Variants in EDNRB observed in about 807,000 individuals in gnomAD.
EDNRB encodes the protein endothelin receptor type B.
A neutral mutation model predicts 46.4 loss-of-function variants in EDNRB; 18 were observed. The observed-to-expected ratio is 0.39, with a 90% CI of 0.27 to 0.57. The LOEUF (loss-of-function observed/expected upper bound fraction) is 0.57, where lower values mean the gene tolerates loss of function less well. Among genes scored for constraint, EDNRB ranks in the 20% least tolerant of loss-of-function variants. The probability of loss-of-function intolerance (pLI) is 0.61; values close to 1 mark genes in which losing one functional copy is unlikely to be tolerated. For missense variants in EDNRB, 434 were observed against 537.5 expected (o/e 0.81, Z 1.90); for synonymous variants, 213 against 204.9 (o/e 1.04, Z -0.34).
chr13:77,974,984 C>T (rs1351098977), intron 1 of EDNRB, among the ~76,000 whole-genome samples: 1 of 152,062 alleles, frequency 6.6e-6, no homozygotes, highest in African/African-American at 2.4e-5. Context: ...CACATGCACA[C>T]CACAAAACAA....
chr13:77,957,802 C>T (rs1039406753), intron 1 of EDNRB, among the ~76,000 whole-genome samples: 16 of 152,114 alleles, frequency 1.1e-4, no homozygotes, highest in South Asian at 2.1e-4. Flanking sequence ...ACAGCATTCA[C>T]GACTTTGGGT....
intron 6 of EDNRB, among the ~76,000 whole-genome samples, chr13:77,899,169 A>G (rs929529688): frequency 6.6e-6 from 1 of 151,910 alleles, no homozygotes; most frequent in African/African-American, 2.4e-5. Context: ...TGGGCGAAGA[A>G]TGTTATAGGC....
chr13:77,929,700 C>T (rs777992545), intron 1 of EDNRB, among the ~76,000 whole-genome samples: 6 of 152,180 alleles, frequency 3.9e-5, no homozygotes, highest in Non-Finnish European at 8.8e-5. Flanking sequence ...GAATCATGCC[C>T]TTTTGCAAGG....
At chr13:77,921,773 T>A (rs1880092938), upstream of EDNRB, among the ~76,000 whole-genome samples, 1 of 152,244 alleles carries the variant, frequency 6.6e-6, no homozygotes, top group African/African-American at 2.4e-5. Context: ...GTTTCCCCTT[T>A]TGTAAAATGG....
Position 77,897,188 on chromosome 13 carries a change from C to G in EDNRB, c.*1012G>C, listed in dbSNP as rs1412468306. The stretch of plus-strand genomic sequence containing the variant: ...GTCTTTATTATGAGGTCACTGGCAT[C>G]TCTCCATCGTAAAGCTATGAGCACA... On this transcript the variant is annotated 3_prime_UTR_variant, in exon 7 of 7. Transcript: ENST00000646607. 2.0e-6 allele frequency: 2 copies of G among 985,290 alleles called. No homozygotes were observed. The highest frequency in any genetic ancestry group is 1.7e-5 in the African/African-American group (1 of 57,224). The allele number at this position is 985,290 out of a possible 1,614,324, so 61.0% of individuals were successfully genotyped here.
In EDNRB at chr13:77,899,086, T is replaced by C. The variant is rs963046473; in HGVS notation, c.1195-752A>G. 3.3e-5 allele frequency among the ~76,000 whole-genome samples: 5 copies of C among 151,882 alleles called. No homozygotes were observed. The East Asian group carries it at 7.8e-4, about 24-fold the overall frequency. The stretch of plus-strand genomic sequence containing the variant: ...GTAAAAGAAAATGAGAAGTCCACTG[T>C]TTTATGTCTTATAAAATGAGGGTGT... On this transcript the variant is annotated intron_variant, in intron 6 of 6. Coordinates refer to ENST00000646607, the MANE Select transcript of EDNRB (RefSeq NM_001122659.3).
chr13:77,937,243 G>A (rs556316501), intron 1 of EDNRB, among the ~76,000 whole-genome samples: 18 of 152,166 alleles, frequency 1.2e-4, no homozygotes, highest in Non-Finnish European at 2.2e-4. Context: ...CCTCAAACTA[G>A]GCAGGAAATC....
At chr13:77,939,994 C>CTAAATAAA (rs60299666) in intron 1 of EDNRB, 35,858 of 144,350 alleles carry the variant, frequency 0.25, 5,735 homozygotes, top group Non-Finnish European at 0.37. Context: ...GACTCTGTCT[C>CTAAATAAA]TAAATAAATA....
intron 1 of EDNRB, among the ~76,000 whole-genome samples, chr13:77,960,719 C>A (rs1176758018): frequency 6.6e-6 from 1 of 152,134 alleles, no homozygotes; most frequent in African/African-American, 2.4e-5. Flanking sequence ...GGGCTAAATT[C>A]TCCAGTTAAA....
chr13:77,927,718 C>T (rs1338397914), intron 1 of EDNRB, among the ~76,000 whole-genome samples: 2 of 152,142 alleles, frequency 1.3e-5, no homozygotes, highest in African/African-American at 4.8e-5. Flanking sequence ...TAGATATTCA[C>T]AAGGAATAAT....
upstream of EDNRB, among the ~76,000 whole-genome samples, chr13:77,923,723 AAAAG>A (rs1308307950): frequency 6.6e-6 from 1 of 152,168 alleles, no homozygotes; most frequent in Non-Finnish European, 1.5e-5. Context: ...TTAGAAAGCA[AAAAG>A]AAAGAGAAAC....
rs1427566575 is a variant in EDNRB at position 77,896,879 on chromosome 13, CA to C, written c.*1320del. ...GATATAAAAATTAGGCAGGAACGCA[CA>C]AAGCTAAGAGGTTCTTACGGTCTCA... On this transcript the variant is annotated 3_prime_UTR_variant, in exon 7 of 7. Transcript: ENST00000646607. The C allele has an allele frequency of 1.5e-5, 15 of 1,019,822 alleles. No individual in the cohort carries two copies. Among genetic ancestry groups the C allele is most frequent in the Middle Eastern group, 4.7e-4 (1 of 2,144 alleles). 63.2% of individuals were successfully genotyped at this position (1,019,822 alleles called of 1,614,324 possible).
intron 6 of EDNRB, 76 bp downstream of exon 6, chr13:77,899,783 A>C: frequency 5.7e-6 from 6 of 1,058,488 alleles, no homozygotes; most frequent in African/African-American, 1.6e-5. Context: ...CTGTCTGGAT[A>C]GATATATTAG....
At chr13:77,930,149 G>A (rs1880352303) in intron 1 of EDNRB, among the ~76,000 whole-genome samples, 1 of 152,144 alleles carries the variant, frequency 6.6e-6, no homozygotes, top group Non-Finnish European at 1.5e-5. Context: ...GCAGGAAATG[G>A]GCAGGACTGA....
At chr13:77,958,175 GATT>G (rs1230809537) in intron 1 of EDNRB, among the ~76,000 whole-genome samples, 1 of 152,078 alleles carries the variant, frequency 6.6e-6, no homozygotes, top group Non-Finnish European at 1.5e-5. Flanking sequence ...ACATGTCAGA[GATT>G]CATATTCAGC....
intron 1 of EDNRB, among the ~76,000 whole-genome samples, chr13:77,951,320 C>A (rs1377130870): frequency 6.6e-6 from 1 of 152,024 alleles, no homozygotes; most frequent in Non-Finnish European, 1.5e-5. Flanking sequence ...GGAGAAAAGT[C>A]CCCCGATTAC....
At chr13:77,900,070 A>G (rs974912687) in intron 5 of EDNRB, 103 bp from the exon 6 acceptor site, 3 of 887,528 alleles carry the variant, frequency 3.4e-6, no homozygotes, top group Admixed American at 2.0e-5. Flanking sequence ...GCCAATATAC[A>G]ATGGTTCTAA....
intron 1 of EDNRB, among the ~76,000 whole-genome samples, chr13:77,966,494 T>A (rs1221543078): frequency 6.6e-6 from 1 of 152,226 alleles, no homozygotes; most frequent in Non-Finnish European, 1.5e-5. Flanking sequence ...TAAATTTGAA[T>A]TGATCAGAAT....
intron 3 of EDNRB, among the ~76,000 whole-genome samples, chr13:77,902,319 A>G (rs1879037186): frequency 6.6e-6 from 1 of 151,932 alleles, no homozygotes. Flanking sequence ...ATTCCTCTTC[A>G]AAGAACCAAT....
Sources: gnomAD v4.1 joint callset for allele counts (sites outside exome capture counted in the v4.1 genomes callset) on GRCh38, gnomAD v4.1.1 for gene constraint, MANE v1.5 for transcripts, NCBI Gene and HGNC (gene_info 2026-07-23, HGNC 2026-07-21) for gene names.